The following EIF4G3 variants were observed in gnomAD, a reference collection of about 807,000 sequenced individuals.
EIF4G3 encodes the protein eukaryotic translation initiation factor 4 gamma 3.
Under a neutral mutation model 186.4 loss-of-function variants are expected in EIF4G3, and 34 were observed. The observed-to-expected ratio is 0.18, with a 90% CI of 0.14 to 0.24. The LOEUF is 0.24. Among genes scored for constraint, EIF4G3 ranks in the 10% least tolerant of loss-of-function variants. The probability of loss-of-function intolerance (pLI) is 1.00; values close to 1 mark genes in which losing one functional copy is unlikely to be tolerated. For missense variants in EIF4G3, 1,536 were observed against 1,948.5 expected, an observed-to-expected ratio of 0.79 and a Z score of 3.99; for synonymous variants, 673 against 679.5, an observed-to-expected ratio of 0.99 and a Z score of 0.15.
chr1:21,157,281 A>G (rs2097678779), intron 2 of EIF4G3, among the ~76,000 whole-genome samples: 1 of 151,306 alleles, frequency 6.6e-6, no homozygotes, highest in Non-Finnish European at 1.5e-5. Context: ...CCCAAATACT[A>G]CTTCCTATTC....
chr1:20,990,151 G>A (rs1054828907), intron 7 of EIF4G3, among the ~76,000 whole-genome samples: 1 of 152,096 alleles, frequency 6.6e-6, no homozygotes, highest in Non-Finnish European at 1.5e-5. Flanking sequence ...TCCAGCATGG[G>A]TGACAGAGCA....
chr1:20,990,456 C>A (rs2080834283), intron 7 of EIF4G3, among the ~76,000 whole-genome samples: 1 of 152,154 alleles, frequency 6.6e-6, no homozygotes, highest in South Asian at 2.1e-4. Context: ...GGGCGGATCA[C>A]GAGGTCAGGA....
Position 21,165,267 on chromosome 1 carries a change from T to G in EIF4G3, c.-272+10908A>C, listed in dbSNP as rs151329885. ...TGGTGTAACCACTTTGGAAAACATT[T>G]TGGCAGCTCCTCCAAATGTTAAACA... On this transcript the variant is annotated intron_variant, in intron 2 of 36. Transcript: ENST00000602326. 2.2e-3 allele frequency among the ~76,000 whole-genome samples: 338 copies of G among 152,312 alleles called. 1 individual carries two copies. Among genetic ancestry groups the G allele is most frequent in the Middle Eastern group, 3.4e-3 (1 of 294 alleles).
intron 19 of EIF4G3, among the ~76,000 whole-genome samples, chr1:20,882,812 G>A (rs1292712945): frequency 6.6e-6 from 1 of 151,502 alleles, no homozygotes; most frequent in Middle Eastern, 3.2e-3. Flanking sequence ...AAAAAAGCCT[G>A]GGCATGGTAG....
intron 2 of EIF4G3, among the ~76,000 whole-genome samples, chr1:21,163,173 G>A (rs1218895682): frequency 1.3e-5 from 2 of 152,142 alleles, no homozygotes; most frequent in Non-Finnish European, 2.9e-5. Context: ...TGAAGATCAA[G>A]AATGAAATCA....
chr1:20,849,218 G>A (rs2072410898), intron 29 of EIF4G3, among the ~76,000 whole-genome samples, 197 bp downstream of exon 29: 2 of 152,070 alleles, frequency 1.3e-5, no homozygotes, highest in Admixed American at 6.6e-5. Context: ...ACTCTATGTT[G>A]TAAATTATAG....
intron 14 of EIF4G3, among the ~76,000 whole-genome samples, chr1:20,940,005 C>A (rs2095657375): frequency 1.3e-5 from 2 of 152,038 alleles, no homozygotes; most frequent in Admixed American, 6.5e-5. Context: ...CAGGCCCACA[C>A]TGCCATGCCT....
At chr1:21,118,840 C>A (rs1006659321) in intron 2 of EIF4G3, among the ~76,000 whole-genome samples, 1 of 146,820 alleles carries the variant, frequency 6.8e-6, no homozygotes, top group African/African-American at 2.5e-5. Context: ...GTGGCACATG[C>A]CTATAGTTCC....
At chr1:21,164,094 T>C (rs2097812814) in intron 2 of EIF4G3, among the ~76,000 whole-genome samples, 1 of 152,104 alleles carries the variant, frequency 6.6e-6, no homozygotes, top group African/African-American at 2.4e-5. Flanking sequence ...TTCTTTATAA[T>C]AACATATACA....
intron 4 of EIF4G3, among the ~76,000 whole-genome samples, chr1:21,025,033 T>C (rs2091849463): frequency 6.6e-6 from 1 of 152,058 alleles, no homozygotes; most frequent in Admixed American, 6.5e-5. Context: ...CAGTGATAGA[T>C]GGTGAGCTTG....
chr1:20,992,566 C>T (rs557228043), intron 7 of EIF4G3, among the ~76,000 whole-genome samples: 5 of 152,212 alleles, frequency 3.3e-5, no homozygotes, highest in South Asian at 4.1e-4. Context: ...TGATAGTGTA[C>T]GCTGGTTTTA....
chr1:20,829,337 A>G, intron 30 of EIF4G3, 65 bp from the exon 31 acceptor site: 1 of 1,574,858 alleles, frequency 6.3e-7, no homozygotes, highest in Non-Finnish European at 8.6e-7. Flanking sequence ...TTAAATAAAG[A>G]GATAAAAAAT....
At chr1:20,913,782 T>C (rs1238561668) in intron 14 of EIF4G3, among the ~76,000 whole-genome samples, 1 of 151,254 alleles carries the variant, frequency 6.6e-6, no homozygotes, top group African/African-American at 2.4e-5. Flanking sequence ...AAGATGAAAG[T>C]TGAGGTCAAT....
At chr1:21,016,449 G>A (rs1460562418) in intron 4 of EIF4G3, among the ~76,000 whole-genome samples, 1 of 152,154 alleles carries the variant, frequency 6.6e-6, no homozygotes, top group Non-Finnish European at 1.5e-5. Context: ...ACTTTGAGAG[G>A]TGGAGGTGGA....
At chr1:20,979,237 T>C (rs1440026799) in intron 10 of EIF4G3, among the ~76,000 whole-genome samples, 9 of 152,226 alleles carry the variant, frequency 5.9e-5, no homozygotes, top group Non-Finnish European at 1.2e-4. Flanking sequence ...GCCAATAATC[T>C]TGGCAACCCA....
chr1:20,918,701 CTTTTTTTTT>C (rs35704755), intron 14 of EIF4G3, among the ~76,000 whole-genome samples: 2 of 94,902 alleles, frequency 2.1e-5, no homozygotes, highest in African/African-American at 8.8e-5. Flanking sequence ...CTCCTAGTAT[CTTTTTTTTT>C]TTTTTTTTTT....
At chr1:21,136,431 T>C (rs2097248008) in intron 2 of EIF4G3, among the ~76,000 whole-genome samples, 2 of 150,960 alleles carry the variant, frequency 1.3e-5, no homozygotes, top group African/African-American at 4.9e-5. Flanking sequence ...GCAGGAGAAT[T>C]GCTTTAACCT....
chr1:21,088,992 A>C, intron 3 of EIF4G3, 146 bp downstream of exon 3: 1 of 597,120 alleles, frequency 1.7e-6, no homozygotes, highest in South Asian at 2.1e-5. Context: ...GATGATATGG[A>C]AAGGGCCTAT....
At chr1:20,883,190 C>T (rs2082957815) in intron 19 of EIF4G3, among the ~76,000 whole-genome samples, 1 of 151,858 alleles carries the variant, frequency 6.6e-6, no homozygotes. Context: ...TCTACAGAAT[C>T]AAAATCTAGT....
Sources: gnomAD v4.1 joint callset for allele counts (sites outside exome capture counted in the v4.1 genomes callset) on GRCh38, gnomAD v4.1.1 for gene constraint, MANE v1.5 for transcripts, NCBI Gene and HGNC (gene_info 2026-07-23, HGNC 2026-07-21) for gene names.